Variants in CWC27 observed in about 807,000 individuals in gnomAD.
CWC27 encodes the protein spliceosome-associated protein CWC27 homolog.
A neutral mutation model predicts 63.6 loss-of-function variants in CWC27; 47 were observed. The ratio of observed to expected loss-of-function variants is 0.74; its 90% CI spans 0.58 to 0.94. CWC27 has a LOEUF of 0.94. CWC27 is among the 40% of genes least tolerant of loss of function. CWC27 has a pLI of 0.00. For synonymous variants in CWC27, 175 were observed against 179.8 expected, an observed-to-expected ratio of 0.97 and a Z score of 0.22; for missense variants, 495 against 554.3, an observed-to-expected ratio of 0.89 and a Z score of 1.07.
At chr5:64,852,809 A>G (rs955900830) in intron 10 of CWC27, among the ~76,000 whole-genome samples, 2 of 150,926 alleles carry the variant, frequency 1.3e-5, no homozygotes, top group African/African-American at 4.9e-5. Context: ...AGGGCTTTTC[A>G]TATTTTCATT....
chr5:64,905,218 A>C (rs1425020373), intron 11 of CWC27, among the ~76,000 whole-genome samples: 3 of 151,456 alleles, frequency 2.0e-5, no homozygotes, highest in East Asian at 1.9e-4. Flanking sequence ...AAAAAAAAAA[A>C]AAAAAACACC....
At chr5:64,815,570 A>C (rs1745002293) in intron 10 of CWC27, among the ~76,000 whole-genome samples, 1 of 152,174 alleles carries the variant, frequency 6.6e-6, no homozygotes, top group African/African-American at 2.4e-5. Context: ...TACGATTTAA[A>C]CAGAAATTGC....
At chr5:64,790,107 G>T (rs1317041970) in intron 7 of CWC27, among the ~76,000 whole-genome samples, 1 of 151,934 alleles carries the variant, frequency 6.6e-6, no homozygotes, top group Non-Finnish European at 1.5e-5. Flanking sequence ...ATAACTTTTT[G>T]TTGCTTTTTA....
At chr5:64,853,675 G>A (rs1442169456) in intron 10 of CWC27, among the ~76,000 whole-genome samples, 2 of 152,100 alleles carry the variant, frequency 1.3e-5, no homozygotes, top group Non-Finnish European at 2.9e-5. Context: ...AGGTGATGGG[G>A]AGCCAGCATG....
Position 64,885,510 on chromosome 5 carries a change from G to C in CWC27, c.1006G>C (p.Glu336Gln). The C allele has an allele frequency of 6.2e-7, 1 of 1,606,346 alleles. No homozygotes were observed. The highest frequency in any genetic ancestry group is 1.1e-5 in the South Asian group (1 of 89,332). Residue 336 changes from glutamate (E) to glutamine (Q), a missense_variant, in exon 11 of 14, where the codon GAA becomes CAA. Glu to Gln is a conservative substitution (Grantham distance 29, BLOSUM62 2). This residue lies in a region of CWC27 where 463 missense variants were observed against 498.1 expected (regional missense o/e 0.93). Coordinates refer to ENST00000381070, the MANE Select transcript of CWC27 (RefSeq NM_005869.4). ...CTTAGCAGCAAAACAAAAAAAAGTA[G>C]AAAATGCAGCAAAACAAGCAGAAAA... ...ELLAAKQKKVENAAKQAEKRS... is the reference protein window; with the variant it reads ...ELLAAKQKKVQNAAKQAEKRS...
chr5:64,924,706 C>A (rs1261089871), intron 11 of CWC27, among the ~76,000 whole-genome samples: 1 of 152,180 alleles, frequency 6.6e-6, no homozygotes, highest in Admixed American at 6.5e-5. Context: ...ACGTTATAGT[C>A]CCTGGTGAGC....
intron 10 of CWC27, among the ~76,000 whole-genome samples, chr5:64,830,197 T>A (rs1186001627): frequency 7.0e-6 from 1 of 142,314 alleles, no homozygotes; most frequent in Non-Finnish European, 1.5e-5. Context: ...CAGGCCCCTG[T>A]GTGTGATGTT....
intron 11 of CWC27, among the ~76,000 whole-genome samples, chr5:64,963,516 A>G (rs1473945128): frequency 1.3e-5 from 2 of 152,202 alleles, no homozygotes; most frequent in African/African-American, 2.4e-5. Context: ...ACGTACTATG[A>G]CCATTCATAG....
At chr5:64,986,155 C>T (rs1486159789) in intron 13 of CWC27, among the ~76,000 whole-genome samples, 1 of 152,122 alleles carries the variant, frequency 6.6e-6, no homozygotes, top group Non-Finnish European at 1.5e-5. Flanking sequence ...TTTCCTGAGG[C>T]CTCCCCAGCC....
At chr5:64,927,106 A>T (rs1748130953) in intron 11 of CWC27, among the ~76,000 whole-genome samples, 1 of 152,152 alleles carries the variant, frequency 6.6e-6, no homozygotes. Flanking sequence ...ATGTATTATT[A>T]TTTGTGACTT....
chr5:64,849,315 TAAA>T (rs1347653690), intron 10 of CWC27, among the ~76,000 whole-genome samples: 1 of 151,964 alleles, frequency 6.6e-6, no homozygotes, highest in Non-Finnish European at 1.5e-5. Context: ...AAAAAGAAAT[TAAA>T]GAAGACAAAG....
chr5:64,864,917 C>A (rs1746498103), intron 10 of CWC27, among the ~76,000 whole-genome samples: 1 of 152,022 alleles, frequency 6.6e-6, no homozygotes, highest in African/African-American at 2.4e-5. Context: ...TTACTCTCAG[C>A]AATTTTGACA....
intron 11 of CWC27, among the ~76,000 whole-genome samples, chr5:64,948,329 G>A (rs1018771731): frequency 2.0e-5 from 3 of 151,570 alleles, no homozygotes; most frequent in Admixed American, 1.3e-4. Flanking sequence ...AAATTTTTTT[G>A]TATTTGGTTA....
chr5:64,795,351 C>T (rs560182167), intron 7 of CWC27, among the ~76,000 whole-genome samples: 3 of 152,092 alleles, frequency 2.0e-5, no homozygotes, highest in East Asian at 1.9e-4. Flanking sequence ...TTATTAATTT[C>T]GTATTACTGT....
intron 11 of CWC27, among the ~76,000 whole-genome samples, chr5:64,950,887 T>C (rs1245717102): frequency 6.6e-6 from 1 of 152,012 alleles, no homozygotes; most frequent in African/African-American, 2.4e-5. Flanking sequence ...TGTCATACAA[T>C]GTGTGTCTGG....
At chr5:64,807,979 A>G (rs1168125609) in intron 10 of CWC27, 32 of 1,408,216 alleles carry the variant, frequency 2.3e-5, no homozygotes, top group Non-Finnish European at 2.8e-5. Context: ...AAGGCCATCT[A>G]GTTGATAATC....
chr5:64,985,399 A>G (rs1380964229), intron 13 of CWC27, among the ~76,000 whole-genome samples: 2 of 152,200 alleles, frequency 1.3e-5, no homozygotes, highest in Non-Finnish European at 2.9e-5. Flanking sequence ...TTTCCAATCC[A>G]TAAACATGAT....
chr5:64,935,916 A>G (rs936215309), intron 11 of CWC27, among the ~76,000 whole-genome samples: 2 of 152,154 alleles, frequency 1.3e-5, no homozygotes, highest in Non-Finnish European at 2.9e-5. Flanking sequence ...TTATTGATGT[A>G]TAGTAATACT....
intron 10 of CWC27, among the ~76,000 whole-genome samples, chr5:64,810,327 G>A (rs962433378): frequency 1.4e-4 from 22 of 152,078 alleles, no homozygotes; most frequent in African/African-American, 3.4e-4. Context: ...ATCAGAGAGC[G>A]TGATGCCTCC....
Sources: allele counts gnomAD v4.1 joint callset (sites outside exome capture counted in the v4.1 genomes callset), GRCh38; gene constraint gnomAD v4.1.1; regional missense constraint gnomAD v4.1.1; transcripts MANE v1.5; gene names NCBI Gene and HGNC (gene_info 2026-07-23, HGNC 2026-07-21).